The following RNMT variants were observed in gnomAD, a reference collection of about 807,000 sequenced individuals.
RNMT encodes the protein mRNA cap guanine-N(7) methyltransferase.
A neutral mutation model predicts 56.0 loss-of-function variants in RNMT; 27 were observed. The ratio of observed to expected loss-of-function variants is 0.48; its 90% CI spans 0.36 to 0.67. RNMT has a LOEUF of 0.67. Among genes scored for constraint, RNMT ranks in the 30% least tolerant of loss-of-function variants. The pLI, the probability that RNMT is intolerant of heterozygous loss-of-function variation, is 0.00. For synonymous variants in RNMT, 184 were observed against 176.2 expected (o/e 1.04, Z -0.35); for missense variants, 519 against 552.1 (o/e 0.94, Z 0.60).
chr18:13,735,645 A>G (rs568788128), intron 4 of RNMT, among the ~76,000 whole-genome samples: 22 of 151,532 alleles, frequency 1.5e-4, no homozygotes, highest in African/African-American at 5.1e-4. Context: ...TGGATTTTTT[A>G]TGAATACTTA....
At chr18:13,728,657 C>A (rs568098733) in intron 1 of RNMT, among the ~76,000 whole-genome samples, 5 of 151,962 alleles carry the variant, frequency 3.3e-5, no homozygotes, top group African/African-American at 1.2e-4. Context: ...TTTTAAAAAT[C>A]TTTTTGATAA....
chr18:13,733,255 A>G (rs2044104057), intron 3 of RNMT, among the ~76,000 whole-genome samples: 1 of 152,292 alleles, frequency 6.6e-6, no homozygotes, highest in African/African-American at 2.4e-5. Flanking sequence ...TTTACCTATC[A>G]TGGCATTTTT....
chr18:13,742,773 GT>G, intron 8 of RNMT, 121 bp downstream of exon 8: 2 of 667,110 alleles, frequency 3.0e-6, no homozygotes, highest in Non-Finnish European at 2.3e-6. Flanking sequence ...GTATAATCTT[GT>G]TTTTTTGTTT....
intron 9 of RNMT, among the ~76,000 whole-genome samples, chr18:13,751,813 T>C (rs2044452382): frequency 6.6e-6 from 1 of 152,178 alleles, no homozygotes; most frequent in African/African-American, 2.4e-5. Context: ...TTCATGTCCT[T>C]TGTAGGGACG....
chr18:13,753,992 T>C, intron 10 of RNMT, 122 bp from the exon 11 acceptor site: 1 of 597,980 alleles, frequency 1.7e-6, no homozygotes, highest in Non-Finnish European at 3.0e-6. Context: ...TAACAGTGAA[T>C]CGAATGTGTA....
intron 9 of RNMT, among the ~76,000 whole-genome samples, chr18:13,751,720 G>A (rs1031039229): frequency 2.6e-5 from 4 of 152,150 alleles, no homozygotes; most frequent in Non-Finnish European, 1.5e-5. Flanking sequence ...AACCAACCCA[G>A]ATGTCCATCA....
In RNMT at chr18:13,730,667, G is replaced by T. The variant is rs141541775; in HGVS notation, c.-131G>T. ...TGGGTACTGTACAACTTCAAGCCTC[G>T]AAATCAGATAGGCACCACCAACCTC... is the stretch of plus-strand genomic sequence containing the variant. On this transcript the variant is annotated 5_prime_UTR_variant, in exon 2 of 12. An upstream open reading frame in the 5' UTR gains an earlier in-frame stop. Coordinates refer to ENST00000383314, the MANE Select transcript of RNMT (RefSeq NM_003799.3). 1 of 152,162 alleles carries T rather than the reference G, an allele frequency of 6.6e-6. No individual in the cohort carries two copies. The highest frequency in any genetic ancestry group is 6.5e-5 in the Admixed American group (1 of 15,276). The allele number at this position is 152,162 out of a possible 1,614,324, so 9.4% of individuals were successfully genotyped here. A position where few individuals can be genotyped will look rare whatever the true frequency, so the allele number is the denominator to read the frequency against.
At position 13,731,716 on chromosome 18, in the gene RNMT, G is replaced by A. The variant is rs1404509650; in HGVS notation, c.199G>A (p.Val67Ile). ...RKRKEFEDDL[V>I]KESSSCGKDT... ...GAGAAAAGAGTTTGAAGATGATCTT[G>A]TAAAGGAAAGTTCTAGTTGTGGGAA... The change falls in exon 3 of 12, where the codon GTA (valine) becomes ATA (isoleucine). Residue 67 changes from valine (V) to isoleucine (I), a missense_variant. Physicochemically the swap from Val to Ile is conservative, Grantham distance 29. Transcript: ENST00000383314. 6.2e-7 allele frequency: 1 copy of A among 1,613,422 alleles called. No homozygotes were observed. The highest frequency in any genetic ancestry group is 2.2e-5 in the East Asian group (1 of 44,854).
chr18:13,732,912 C>T (rs1298868936), intron 3 of RNMT, among the ~76,000 whole-genome samples: 1 of 151,830 alleles, frequency 6.6e-6, no homozygotes, highest in African/African-American at 2.4e-5. Context: ...CAGGTGCCCA[C>T]CACCATGCCT....
Position 13,752,422 on chromosome 18 carries a change from C to G in RNMT, c.1354C>G (p.Pro452Ala), listed in dbSNP as rs1377363727. Residue 452 changes from proline (P) to alanine (A), a missense_variant, in exon 10 of 12, where the codon CCT becomes GCT. Physicochemically the swap from Pro to Ala is conservative, Grantham distance 27 (BLOSUM62 -1). Coordinates refer to ENST00000383314, the MANE Select transcript of RNMT (RefSeq NM_003799.3). ...CATGAAGAACAGTCAAGTAAGGTTA[C>G]CTTTGGTAAGTTTTAATTTATGAAA... Reference protein sequence around the residue: ...KYMKNSQVRLPLGTLSKSEWE... With the variant: ...KYMKNSQVRLALGTLSKSEWE... The G allele has an allele frequency of 1.3e-6, 2 of 1,592,756 alleles. No individual in the cohort carries two copies. Among genetic ancestry groups the G allele is most frequent in the Admixed American group, 3.3e-5 (2 of 59,802 alleles).
At chr18:13,749,289 A>G (rs969811633) in intron 9 of RNMT, among the ~76,000 whole-genome samples, 3 of 152,250 alleles carry the variant, frequency 2.0e-5, no homozygotes, top group Non-Finnish European at 4.4e-5. Context: ...GTGATATGGT[A>G]AAACTACAAT....
intron 8 of RNMT, chr18:13,742,970 A>AT: frequency 4.1e-5 from 7 of 171,984 alleles, no homozygotes; most frequent in Non-Finnish European, 7.1e-5. Context: ...AAATAGCAAA[A>AT]GTTTTTTTTT....
Position 13,763,102 on chromosome 18 carries a change from A to C in RNMT, c.*3123A>C. The C allele has an allele frequency of 2.2e-6, 1 of 456,070 alleles. No individual in the cohort carries two copies. The highest frequency in any genetic ancestry group is 1.5e-5 in the South Asian group (1 of 64,564). 28.3% of individuals were successfully genotyped at this position (456,070 alleles called of 1,614,324 possible). On this transcript the variant is annotated 3_prime_UTR_variant, in exon 12 of 12. Transcript: ENST00000383314. ...GAAGTTGTACCAAAATGCCTGTGGT[A>C]CTTGATGGCCTGTTGGTCAAATAGG...
chr18:13,762,208 G>A lies in RNMT; in HGVS notation c.*2229G>A, dbSNP rs1020406332. 6.1e-6 allele frequency: 9 copies of A among 1,479,534 alleles called. No individual in the cohort carries two copies. Among genetic ancestry groups the A allele is most frequent in the East Asian group, 2.5e-5 (1 of 40,224 alleles). 91.7% of individuals were successfully genotyped at this position (1,479,534 alleles called of 1,614,324 possible). On this transcript the variant is annotated 3_prime_UTR_variant, in exon 12 of 12. Coordinates refer to ENST00000383314, the MANE Select transcript of RNMT (RefSeq NM_003799.3). Reference sequence around the variant, plus strand: ...CTAACCAGCTATTGGTGGGAATGACGGAACTGGGGATTGCGATGATTGATC... The same window carrying A: ...CTAACCAGCTATTGGTGGGAATGACAGAACTGGGGATTGCGATGATTGATC...
rs574959995 is a variant in RNMT at position 13,729,664 on chromosome 18, A to G, written c.-171-963A>G. ...TGGTGGGTCATGAAAACTAATAACCATTGAAACCCTTACCCATTCATAGTG... is the reference window on the plus strand; with the variant it reads ...TGGTGGGTCATGAAAACTAATAACCGTTGAAACCCTTACCCATTCATAGTG... On this transcript the variant is annotated intron_variant, in intron 1 of 11. Transcript: ENST00000383314. Among the ~76,000 whole-genome samples the G allele has an allele frequency of 2.8e-4, 42 of 152,346 alleles. No individual in the cohort carries two copies. In the South Asian group the frequency reaches 4.4e-3, roughly 16 times the overall value.
chr18:13,734,969 A>G (rs1320807363), intron 4 of RNMT, among the ~76,000 whole-genome samples: 1 of 152,230 alleles, frequency 6.6e-6, no homozygotes, highest in Non-Finnish European at 1.5e-5. Context: ...CATGTGTATT[A>G]CATTGAGGAT....
At chr18:13,748,371 G>A (rs376239557) in intron 9 of RNMT, among the ~76,000 whole-genome samples, 12 of 152,292 alleles carry the variant, frequency 7.9e-5, no homozygotes, top group South Asian at 6.2e-4. Flanking sequence ...TCTGGTGGGC[G>A]TGTAAAGGAC....
chr18:13,759,973 G>A lies in RNMT; in HGVS notation c.1425G>A (p.Gln475=), dbSNP rs2044599431. 2 of 1,613,202 alleles carry A rather than the reference G, an allele frequency of 1.2e-6. No individual in the cohort carries two copies. Among genetic ancestry groups the A allele is most frequent in the East Asian group, 4.5e-5 (2 of 44,850 alleles). The change falls in exon 12 of 12, where the codon CAG becomes CAA. Residue 475 remains glutamine, a synonymous_variant. Transcript: ENST00000383314. ...ACTTGGTGTTTGCCTTTGAGAAACA[G>A]CAGTGAGCACATAGGCAGTAGTCCC... ...SIYLVFAFEK[Q]Q
chr18:13,742,494 C>T lies in RNMT; in HGVS notation c.981C>T (p.Arg327=). Reference sequence around the variant, plus strand: ...TGGGGGATAACCTTGATAGAAGACGCCTTGAAGCTTCAGAAACAGAATCAT... The same window carrying T: ...TGGGGGATAACCTTGATAGAAGACGTCTTGAAGCTTCAGAAACAGAATCAT... ...TTPNSFELIR[R]LEASETESFG... The change falls in exon 8 of 12, where the codon CGC becomes CGT. Residue 327 remains arginine (R), a synonymous_variant. Transcript: ENST00000383314. 6.2e-7 allele frequency: 1 copy of T among 1,612,206 alleles called. No individual in the cohort carries two copies. The highest frequency in any genetic ancestry group is 1.1e-5 in the South Asian group (1 of 90,598).
Sources: allele counts gnomAD v4.1 joint callset (sites outside exome capture counted in the v4.1 genomes callset), GRCh38; gene constraint gnomAD v4.1.1; transcripts MANE v1.5; gene names NCBI Gene and HGNC (gene_info 2026-07-23, HGNC 2026-07-21).